The following TET2 variants were observed in gnomAD, a reference collection of about 807,000 sequenced individuals.
The protein encoded by TET2 is tet methylcytosine dioxygenase 2.
TET2 carries 299 observed loss-of-function variants against 142.9 expected under a neutral mutation model. The observed-to-expected ratio is 2.09, with a 90% CI of 1.90 to 2.30. The LOEUF (loss-of-function observed/expected upper bound fraction) is 2.30, where lower values mean the gene tolerates loss of function less well. Ranked by LOEUF, TET2 falls within the 30% of genes most tolerant of loss-of-function variation. The pLI is 0.00. For synonymous variants in TET2, 819 were observed against 849.0 expected, an observed-to-expected ratio of 0.96 and a Z score of 0.61; for missense variants, 2,418 against 2,378.0, an observed-to-expected ratio of 1.02 and a Z score of -0.35.
intron 2 of TET2, among the ~76,000 whole-genome samples, chr4:105,216,412 C>A (rs543103654): frequency 2.0e-4 from 30 of 151,890 alleles, no homozygotes; most frequent in Non-Finnish European, 3.4e-4. Flanking sequence ...TTTTCTTCAT[C>A]GTAATTCAGT....
In TET2 at chr4:105,276,334, C is replaced by T. The variant is rs2110316592; in HGVS notation, c.5824C>T (p.Gln1942Ter). The T allele has an allele frequency of 6.4e-7, 1 of 1,551,712 alleles. No homozygotes were observed. Among genetic ancestry groups the T allele is most frequent in the Non-Finnish European group, 8.7e-7 (1 of 1,146,996 alleles). Reference protein sequence around the residue: ...CEKYGPDYVPQKSHGKKVKRE... With the variant: ...CEKYGPDYVP ...AAAGTATGGCCCAGACTATGTGCCT[C>T]AGAAATCCCATGGCAAAAAAGTGAA... Residue 1942 changes from glutamine to a stop codon, truncating the protein, a stop_gained, in exon 11 of 11, where the codon CAG becomes TAG. Coordinates refer to ENST00000380013, the MANE Select transcript of TET2 (RefSeq NM_001127208.3). LOFTEE classifies it high-confidence loss of function.
chr4:105,243,540 G>A (rs2110254132), intron 5 of TET2, 30 bp from the exon 6 acceptor site: 2 of 1,547,000 alleles, frequency 1.3e-6, no homozygotes, highest in Non-Finnish European at 1.7e-6. Context: ...GGGGTGGGGG[G>A]TGTTTGGGAT....
Position 105,272,851 on chromosome 4 carries a change from A to G in TET2, c.4470A>G (p.Glu1490=). Residue 1490 remains glutamate (E), a synonymous_variant, in exon 10 of 11, where the codon GAA becomes GAG. Transcript: ENST00000380013. Reference sequence around the variant, plus strand: ...TGGAGAACAGCTCAAATAAAAATGAAAAGGAAAAGTCAGCCCCATCACGTA... The same window carrying G: ...TGGAGAACAGCTCAAATAAAAATGAGAAGGAAAAGTCAGCCCCATCACGTA... The part of the protein sequence containing the change: ...SSLENSSNKN[E]KEKSAPSRTK... 6.4e-7 allele frequency: 1 copy of G among 1,551,242 alleles called. No individual in the cohort carries two copies. The highest frequency in any genetic ancestry group is 8.7e-7 in the Non-Finnish European group (1 of 1,146,866).
chr4:105,242,581 C>T (rs1729363185), intron 4 of TET2: 1 of 1,208,418 alleles, frequency 8.3e-7, no homozygotes, highest in African/African-American at 1.6e-5. Context: ...AATGAGCTTT[C>T]CCATTTTCAC....
chr4:105,220,369 A>G (rs943687594), intron 2 of TET2, among the ~76,000 whole-genome samples: 2 of 152,108 alleles, frequency 1.3e-5, no homozygotes, highest in African/African-American at 4.8e-5. Context: ...CATAATTTTT[A>G]CAGCACCTTT....
intron 8 of TET2, among the ~76,000 whole-genome samples, chr4:105,268,843 C>T (rs111559163): frequency 2.1e-3 from 316 of 152,134 alleles, no homozygotes; most frequent in African/African-American, 5.9e-3. Flanking sequence ...CATGGTGGCG[C>T]GTGCTTATAG....
chr4:105,265,988 G>T (rs1186284473), intron 8 of TET2, among the ~76,000 whole-genome samples: 4 of 152,154 alleles, frequency 2.6e-5, no homozygotes, highest in Non-Finnish European at 5.9e-5. Flanking sequence ...TCACTATTCA[G>T]AATATCAGAG....
intron 2 of TET2, among the ~76,000 whole-genome samples, chr4:105,206,728 TTTTG>T (rs1726848415): frequency 6.6e-6 from 1 of 152,206 alleles, no homozygotes; most frequent in African/African-American, 2.4e-5. Flanking sequence ...CTTTTCTAAT[TTTTG>T]TTTTTCTTTG....
chr4:105,272,377 GT>G (rs1394730742), intron 9 of TET2, among the ~76,000 whole-genome samples, 186 bp from the exon 10 acceptor site: 1 of 152,120 alleles, frequency 6.6e-6, no homozygotes, highest in Non-Finnish European at 1.5e-5. Flanking sequence ...TTATCTCCCT[GT>G]ACCATTTTGT....
In TET2 at chr4:105,242,837, TG is replaced by T; in HGVS notation, c.3506del (p.Gly1169AspfsTer57). The T allele has an allele frequency of 6.4e-7, 1 of 1,550,564 alleles. No individual in the cohort carries two copies. Among genetic ancestry groups the T allele is most frequent in the South Asian group, 1.2e-5 (1 of 83,734 alleles). On this transcript the variant is annotated frameshift_variant, in exon 5 of 11. Coordinates refer to ENST00000380013, the MANE Select transcript of TET2 (RefSeq NM_001127208.3). LOFTEE classifies it high-confidence loss of function. ...AIREIMEERF[G>X]QKGKAIRIER... ...TGTTTCTGTGGGTTTCTTTAAGGTT[TG>T]GACAGAAGGGTAAAGCTATTAGGAT... is the stretch of plus-strand genomic sequence containing the variant.
chr4:105,226,462 A>G (rs532115130), intron 2 of TET2, among the ~76,000 whole-genome samples: 2 of 152,174 alleles, frequency 1.3e-5, no homozygotes, highest in South Asian at 4.1e-4. Flanking sequence ...TATAATCCCC[A>G]GTGTTGGAGG....
At position 105,276,684 on chromosome 4, in the gene TET2, C is replaced by T. The variant is rs2110317540; in HGVS notation, c.*165C>T. 2 of 762,388 alleles carry T rather than the reference C, an allele frequency of 2.6e-6. No individual in the cohort carries two copies. The highest frequency in any genetic ancestry group is 3.3e-5 in the Admixed American group (1 of 30,474). 47.2% of individuals were successfully genotyped at this position (762,388 alleles called of 1,614,324 possible). The stretch of plus-strand genomic sequence containing the variant: ...AACAAAAGAGGTTATCTTACCATAG[C>T]ACTTAATTTTCACTGGCTCCCAAGT... On this transcript the variant is annotated 3_prime_UTR_variant, in exon 11 of 11. Transcript: ENST00000380013.
At chr4:105,167,043 A>G (rs780173786) in intron 1 of TET2, among the ~76,000 whole-genome samples, 31 of 151,778 alleles carry the variant, frequency 2.0e-4, no homozygotes, top group Admixed American at 1.1e-3. Context: ...TTTTCACCCT[A>G]TCTTTATGAA....
At chr4:105,253,625 A>G (rs1729979995) in intron 6 of TET2, among the ~76,000 whole-genome samples, 1 of 150,040 alleles carries the variant, frequency 6.7e-6, no homozygotes, top group South Asian at 2.1e-4. Context: ...TCTAATCTGT[A>G]TACCTTTTAT....
intron 1 of TET2, among the ~76,000 whole-genome samples, chr4:105,168,172 A>G (rs79152108): frequency 2.5e-3 from 388 of 152,290 alleles, no homozygotes; most frequent in African/African-American, 8.9e-3. Flanking sequence ...GTGATCATTT[A>G]AAAATTAAGT....
intron 2 of TET2, among the ~76,000 whole-genome samples, chr4:105,192,825 G>T (rs376225621): frequency 4.6e-5 from 7 of 152,174 alleles, no homozygotes; most frequent in African/African-American, 1.7e-4. Flanking sequence ...AGGAAATTGA[G>T]TGGCAGGGTT....
intron 2 of TET2, among the ~76,000 whole-genome samples, chr4:105,228,675 G>T (rs895523996): frequency 1.3e-5 from 2 of 151,948 alleles, no homozygotes; most frequent in African/African-American, 4.8e-5. Flanking sequence ...CCTTTTGATT[G>T]CTCTGTATAT....
intron 1 of TET2, among the ~76,000 whole-genome samples, chr4:105,186,477 T>C (rs929077267): frequency 2.0e-4 from 29 of 143,882 alleles, no homozygotes; most frequent in Non-Finnish European, 3.7e-4. Flanking sequence ...CATTTTCTTT[T>C]TTTTTTTTTT....
intron 1 of TET2, among the ~76,000 whole-genome samples, chr4:105,149,282 T>C (rs1723186677): frequency 6.6e-6 from 1 of 152,188 alleles, no homozygotes. Context: ...AATAACTACA[T>C]TGGTTAATAA....
Sources: gnomAD v4.1 joint callset for allele counts (sites outside exome capture counted in the v4.1 genomes callset) on GRCh38, gnomAD v4.1.1 for gene constraint, MANE v1.5 for transcripts, NCBI Gene and HGNC (gene_info 2026-07-23, HGNC 2026-07-21) for gene names.